AUTS2: variants seen among roughly 807,000 people sequenced by gnomAD.
The protein encoded by AUTS2 is activator of transcription and developmental regulator AUTS2, also known as autism susceptibility gene 2 protein.
A neutral mutation model predicts 112.4 loss-of-function variants in AUTS2; 17 were observed. The observed-to-expected ratio is 0.15, with a 90% CI of 0.10 to 0.23. The LOEUF (loss-of-function observed/expected upper bound fraction) is 0.23, where lower values mean the gene tolerates loss of function less well. Among genes scored for constraint, AUTS2 ranks in the 10% least tolerant of loss-of-function variants. The probability of loss-of-function intolerance (pLI) is 1.00; values close to 1 mark genes in which losing one functional copy is unlikely to be tolerated. For synonymous variants in AUTS2, 751 were observed against 702.7 expected (o/e 1.07, Z -1.09); for missense variants, 1,510 against 1,701.6 (o/e 0.89, Z 1.98).
intron 1 of AUTS2, among the ~76,000 whole-genome samples, chr7:69,867,754 G>C (rs1584363045): frequency 6.6e-6 from 1 of 151,936 alleles, no homozygotes; most frequent in South Asian, 2.1e-4. Context: ...CCTTCACCCT[G>C]GTTTCATAAT....
intron 2 of AUTS2, among the ~76,000 whole-genome samples, chr7:69,915,302 C>T (rs765122466): frequency 3.9e-5 from 6 of 152,140 alleles, no homozygotes; most frequent in Non-Finnish European, 5.9e-5. Flanking sequence ...ATTATTCTAC[C>T]GAAAGCATCG....
intron 4 of AUTS2, among the ~76,000 whole-genome samples, chr7:70,321,694 C>A (rs1322607677): frequency 6.6e-6 from 1 of 152,016 alleles, no homozygotes; most frequent in Non-Finnish European, 1.5e-5. Flanking sequence ...ATGTAGTTGA[C>A]CAGATAAATA....
chr7:70,255,896 TG>T (rs1405332049), intron 4 of AUTS2, among the ~76,000 whole-genome samples: 1 of 152,252 alleles, frequency 6.6e-6, no homozygotes, highest in East Asian at 1.9e-4. Flanking sequence ...CATTGGGTTA[TG>T]GTTTGATGTG....
At chr7:69,812,403 A>G (rs1398998515) in intron 1 of AUTS2, among the ~76,000 whole-genome samples, 1 of 152,146 alleles carries the variant, frequency 6.6e-6, no homozygotes, top group African/African-American at 2.4e-5. Flanking sequence ...CCCAGCTCCT[A>G]CCAGGCTTGA....
intron 2 of AUTS2, among the ~76,000 whole-genome samples, chr7:69,986,487 A>G (rs1008639662): frequency 3.9e-5 from 6 of 152,216 alleles, no homozygotes; most frequent in South Asian, 2.1e-4. Flanking sequence ...TGCTGATTGT[A>G]ATTTTTCTCG....
At chr7:69,782,326 G>A (rs1789175769) in intron 1 of AUTS2, among the ~76,000 whole-genome samples, 2 of 151,552 alleles carry the variant, frequency 1.3e-5, no homozygotes, top group South Asian at 4.2e-4. Flanking sequence ...TGGTATTACT[G>A]CAGGTGGGGT....
intron 4 of AUTS2, among the ~76,000 whole-genome samples, chr7:70,243,800 T>A (rs1812755498): frequency 6.6e-6 from 1 of 152,140 alleles, no homozygotes; most frequent in South Asian, 2.1e-4. Flanking sequence ...TGACTACTCT[T>A]AACAGGGATA....
intron 5 of AUTS2, among the ~76,000 whole-genome samples, chr7:70,519,004 A>G (rs1799535150): frequency 6.6e-6 from 1 of 152,110 alleles, no homozygotes; most frequent in Admixed American, 6.6e-5. Context: ...ACACCCCGCC[A>G]ATAATATGTA....
intron 4 of AUTS2, among the ~76,000 whole-genome samples, chr7:70,288,245 A>T (rs962554884): frequency 2.6e-5 from 4 of 151,768 alleles, no homozygotes; most frequent in African/African-American, 7.3e-5. Flanking sequence ...CTAAAAATAC[A>T]AAAAAAATTA....
chr7:70,361,287 C>T (rs1012255650), intron 4 of AUTS2, among the ~76,000 whole-genome samples: 2 of 151,810 alleles, frequency 1.3e-5, no homozygotes, highest in South Asian at 2.1e-4. Flanking sequence ...GAGCCGAGAT[C>T]GCGCCACTGC....
intron 4 of AUTS2, among the ~76,000 whole-genome samples, chr7:70,216,347 A>G (rs975414466): frequency 6.6e-6 from 1 of 152,240 alleles, no homozygotes; most frequent in African/African-American, 2.4e-5. Context: ...TTGCTAATCC[A>G]AACAATTATA....
intron 4 of AUTS2, among the ~76,000 whole-genome samples, chr7:70,286,075 G>A (rs927309880): frequency 3.9e-5 from 6 of 152,166 alleles, no homozygotes; most frequent in African/African-American, 1.2e-4. Flanking sequence ...AAAGCAGCAC[G>A]TTCAAAGACT....
chr7:69,766,930 C>A (rs1788445244), intron 1 of AUTS2, among the ~76,000 whole-genome samples: 1 of 152,256 alleles, frequency 6.6e-6, no homozygotes, highest in African/African-American at 2.4e-5. Flanking sequence ...TCCCAAACTT[C>A]TTCTCTGCCA....
intron 2 of AUTS2, among the ~76,000 whole-genome samples, chr7:69,926,806 A>G (rs1660483784): frequency 6.8e-6 from 1 of 146,916 alleles, no homozygotes; most frequent in Non-Finnish European, 1.5e-5. Context: ...TAAAATATAT[A>G]TAAAGATATA....
chr7:70,053,984 C>T (rs1426666775), intron 2 of AUTS2, among the ~76,000 whole-genome samples: 1 of 152,140 alleles, frequency 6.6e-6, no homozygotes, highest in East Asian at 1.9e-4. Flanking sequence ...ATATGGTACT[C>T]AATAAACTAT....
At chr7:69,627,639 G>T (rs2129099327) in intron 1 of AUTS2, among the ~76,000 whole-genome samples, 1 of 152,276 alleles carries the variant, frequency 6.6e-6, no homozygotes, top group South Asian at 2.1e-4. Context: ...GTTACTTCTG[G>T]AGGCTGAGGC....
chr7:70,414,766 T>C (rs546853658), intron 4 of AUTS2, among the ~76,000 whole-genome samples: 28 of 152,300 alleles, frequency 1.8e-4, no homozygotes, highest in African/African-American at 6.5e-4. Context: ...TGAGAGGATC[T>C]ATTTAGGGGA....
At chr7:70,787,569 A>T (rs1436374209) in intron 18 of AUTS2, 138 bp downstream of exon 18, 31 of 634,896 alleles carry the variant, frequency 4.9e-5, no homozygotes, top group Non-Finnish European at 5.6e-6. Context: ...CCCCACAGCC[A>T]GTGCCCGCAG....
At chr7:70,338,169 A>G (rs1791082235) in intron 4 of AUTS2, among the ~76,000 whole-genome samples, 1 of 152,222 alleles carries the variant, frequency 6.6e-6, no homozygotes, top group Admixed American at 6.5e-5. Context: ...TCTGCTCTAC[A>G]TTTAATCAAA....
Sources: allele counts gnomAD v4.1 joint callset (sites outside exome capture counted in the v4.1 genomes callset), GRCh38; gene constraint gnomAD v4.1.1; transcripts MANE v1.5; gene names NCBI Gene and HGNC (gene_info 2026-07-23, HGNC 2026-07-21).